CD44: variants seen among roughly 807,000 people sequenced by gnomAD.
CD44 encodes CD44 antigen.
CD44 carries 49 observed loss-of-function variants against 88.8 expected under a neutral mutation model. That is an observed-to-expected ratio of 0.55 (90% CI 0.44 to 0.70). The LOEUF is 0.70. CD44 is among the 30% of genes least tolerant of loss of function. CD44 has a pLI of 0.00. For synonymous variants in CD44, 325 were observed against 312.3 expected (o/e 1.04, Z -0.43); for missense variants, 883 against 913.8 (o/e 0.97, Z 0.43).
intron 15 of CD44, among the ~76,000 whole-genome samples, chr11:35,218,604 G>A (rs765783255): frequency 4.6e-5 from 7 of 152,196 alleles, no homozygotes; most frequent in Non-Finnish European, 8.8e-5. Flanking sequence ...TGGGATTACA[G>A]GCGTGAGCAA....
intron 1 of CD44, among the ~76,000 whole-genome samples, chr11:35,173,609 A>G (rs1333106888): frequency 2.0e-5 from 3 of 152,182 alleles, no homozygotes; most frequent in Admixed American, 1.3e-4. Context: ...ACATTGGCTT[A>G]TGTCTTTTCA....
chr11:35,171,551 A>G (rs1028189384), intron 1 of CD44, among the ~76,000 whole-genome samples: 5 of 152,340 alleles, frequency 3.3e-5, no homozygotes, highest in South Asian at 2.1e-4. Flanking sequence ...GGCTGATCAC[A>G]TGCACATACA....
rs749871573 is a variant in CD44, at chr11:35,190,064, C to A, written c.666C>A (p.Thr222=). The stretch of plus-strand genomic sequence containing the variant: ...ACAGCACAGACAGAATCCCTGCTAC[C>A]AGTAAGGAGAATAAATCACTGTGCT... ...ITDSTDRIPA[T]TLMSTSATAT... is the part of the protein sequence containing the mutation. The change falls in exon 5 of 18, where the codon ACC becomes ACA. Residue 222 remains threonine, a splice_region_variant and synonymous_variant. Transcript: ENST00000428726. 25 of 1,610,816 alleles carry A rather than the reference C, an allele frequency of 1.6e-5. No homozygotes were observed. The highest frequency in any genetic ancestry group is 2.1e-5 in the Non-Finnish European group (25 of 1,177,046).
At chr11:35,176,858 C>A (rs755323887) in intron 2 of CD44, 118 bp downstream of exon 2, 5 of 960,612 alleles carry the variant, frequency 5.2e-6, no homozygotes, top group African/African-American at 1.7e-5. Flanking sequence ...AGGAGTCAAC[C>A]CCACGTATTA....
chr11:35,164,313 G>A (rs1943012371), intron 1 of CD44, among the ~76,000 whole-genome samples: 1 of 152,192 alleles, frequency 6.6e-6, no homozygotes, highest in African/African-American at 2.4e-5. Flanking sequence ...TGAGTGGATT[G>A]TACTCAGCCT....
Position 35,151,930 on chromosome 11 carries a change from G to A in CD44, c.67+12560G>A, listed in dbSNP as rs534019829. Among the ~76,000 whole-genome samples, 580 of 152,232 alleles carry A rather than the reference G, an allele frequency of 3.8e-3. 1 individual carries two copies. Among genetic ancestry groups the A allele is most frequent in the Middle Eastern group, 0.01 (3 of 294 alleles). On this transcript the variant is annotated intron_variant, in intron 1 of 17. Coordinates refer to ENST00000428726, the MANE Select transcript of CD44 (RefSeq NM_000610.4). ...CAGATATTTCCTGTGTTTGAACAAG[G>A]GCCAGACTTCCTGGCAAAGGGTCCC...
chr11:35,219,105 G>A, intron 15 of CD44: 3 of 559,948 alleles, frequency 5.4e-6, no homozygotes. Flanking sequence ...CATGTTCCTT[G>A]ACACAAAATA....
At chr11:35,196,503 T>C (rs772104261) in intron 5 of CD44, among the ~76,000 whole-genome samples, 1 of 147,174 alleles carries the variant, frequency 6.8e-6, no homozygotes, top group Admixed American at 6.8e-5. Context: ...AATTTTTAAA[T>C]CTTTAATATA....
intron 1 of CD44, among the ~76,000 whole-genome samples, chr11:35,141,346 T>C (rs988767767): frequency 1.1e-4 from 17 of 152,140 alleles, no homozygotes; most frequent in African/African-American, 4.1e-4. Context: ...TGGTGGACTC[T>C]AGGCCTTAGG....
In CD44 at chr11:35,215,729, G is replaced by T. The variant is rs11033027; in HGVS notation, c.1873+815G>T. On this transcript the variant is annotated intron_variant, in intron 15 of 17. Transcript: ENST00000428726. Reference sequence around the variant, plus strand: ...TCTACTAAAAATACAAAAATTAGCCGGGCGTGGTCCTGCGCACCTGTAATC... The same window carrying T: ...TCTACTAAAAATACAAAAATTAGCCTGGCGTGGTCCTGCGCACCTGTAATC... 1.3e-5 allele frequency among the ~76,000 whole-genome samples: 2 copies of T among 151,436 alleles called. 1 individual carries two copies. The highest frequency in any genetic ancestry group is 1.3e-4 in the Admixed American group (2 of 15,198).
At chr11:35,166,167 C>T (rs1049076435) in intron 1 of CD44, among the ~76,000 whole-genome samples, 5 of 152,128 alleles carry the variant, frequency 3.3e-5, no homozygotes, top group Non-Finnish European at 7.4e-5. Flanking sequence ...AGTCAATCTG[C>T]TAAATCAATA....
intron 1 of CD44, among the ~76,000 whole-genome samples, chr11:35,165,070 G>T (rs74848849): frequency 0.013 from 2,017 of 152,286 alleles, 59 homozygotes; most frequent in African/African-American, 0.046. Context: ...AATTGATGGG[G>T]TAGGGTGGGT....
intron 3 of CD44, among the ~76,000 whole-genome samples, chr11:35,181,035 C>G (rs1944937610): frequency 6.6e-6 from 1 of 152,090 alleles, no homozygotes; most frequent in South Asian, 2.1e-4. Context: ...TAAGCAAGGG[C>G]CAGCTAACGG....
rs531069272 is a variant in CD44, at chr11:35,191,124, A to G, written c.667+1059A>G. On this transcript the variant is annotated intron_variant, in intron 5 of 17. Coordinates refer to ENST00000428726, the MANE Select transcript of CD44 (RefSeq NM_000610.4). ...GTGGATGTTCTCTTTTCCTGGCTATAGCTCCTGAGGGGTGAAACTTGGGCC... is the reference window on the plus strand; with the variant it reads ...GTGGATGTTCTCTTTTCCTGGCTATGGCTCCTGAGGGGTGAAACTTGGGCC... 6.6e-5 allele frequency among the ~76,000 whole-genome samples: 10 copies of G among 152,118 alleles called. 1 individual carries two copies. The South Asian group carries it at 1.2e-3, about 19-fold the overall frequency.
At chr11:35,153,251 A>C (rs1941416109) in intron 1 of CD44, among the ~76,000 whole-genome samples, 1 of 152,184 alleles carries the variant, frequency 6.6e-6, no homozygotes, top group Admixed American at 6.5e-5. Context: ...TGATCAGGAC[A>C]AGAAGACTTG....
intron 8 of CD44, 108 bp downstream of exon 8, chr11:35,201,303 A>G: frequency 1.3e-6 from 1 of 796,978 alleles, no homozygotes. Flanking sequence ...ATATCTGATC[A>G]AGAAATTCTT....
rs371484317 is a variant in CD44 at position 35,201,099 on chromosome 11, G to A, written c.940G>A (p.Ala314Thr). 17 of 1,613,610 alleles carry A rather than the reference G, an allele frequency of 1.1e-5. No individual in the cohort carries two copies. Among genetic ancestry groups the A allele is most frequent in the African/African-American group, 2.7e-5 (2 of 74,890 alleles). Residue 314 changes from alanine to threonine, a missense_variant, in exon 8 of 18, where the codon GCT becomes ACT. Around this residue, in one of 2 missense-constraint regions of CD44, gnomAD observed 631 missense variants for 590.9 expected, o/e 1.07. Coordinates refer to ENST00000428726, the MANE Select transcript of CD44 (RefSeq NM_000610.4). ...TATCACAGTTTCAACCACACCACGG[G>A]CTTTTGACCACACAAAACAGAACCA... ...ISSTISTTPR[A>T]FDHTKQNQDW...
At chr11:35,227,049 G>A (rs1206148458) in intron 17 of CD44, among the ~76,000 whole-genome samples, 3 of 151,704 alleles carry the variant, frequency 2.0e-5, no homozygotes, top group Non-Finnish European at 4.4e-5. Context: ...ATGCCCCCAT[G>A]ACCGGCTAAT....
chr11:35,225,766 G>T (rs181365800), intron 17 of CD44, among the ~76,000 whole-genome samples: 4 of 152,262 alleles, frequency 2.6e-5, no homozygotes, highest in Admixed American at 2.6e-4. Context: ...GCAGTGAGCC[G>T]AGATAGTGCC....
Sources: gnomAD v4.1 joint callset for allele counts (sites outside exome capture counted in the v4.1 genomes callset) on GRCh38, gnomAD v4.1.1 for gene constraint, gnomAD v4.1.1 regional missense constraint, MANE v1.5 for transcripts, NCBI Gene and HGNC (gene_info 2026-07-23, HGNC 2026-07-21) for gene names.